The following DST variants were observed in gnomAD, a reference collection of about 807,000 sequenced individuals.
The protein encoded by DST is bullous pemphigoid antigen.
A neutral mutation model predicts 875.2 loss-of-function variants in DST; 253 were observed. That is an observed-to-expected ratio of 0.29 (90% CI 0.26 to 0.32). The LOEUF (loss-of-function observed/expected upper bound fraction) is 0.32. DST is among the 10% of genes least tolerant of loss of function. The pLI, the probability that DST is intolerant of heterozygous loss-of-function variation, is 1.00. For missense variants in DST, 8,287 were observed against 9,111.6 expected, an observed-to-expected ratio of 0.91 and a Z score of 3.68; for synonymous variants, 3,124 against 3,197.1, an observed-to-expected ratio of 0.98 and a Z score of 0.77.
At chr6:56,952,774 G>C (rs530741189) in intron 2 of DST, among the ~76,000 whole-genome samples, 26 of 152,178 alleles carry the variant, frequency 1.7e-4, no homozygotes, top group African/African-American at 6.3e-4. Context: ...GCTAGTTAAT[G>C]TAAAGCCAGG....
chr6:56,675,674 A>T (rs551266665), intron 9 of DST, among the ~76,000 whole-genome samples: 2 of 152,232 alleles, frequency 1.3e-5, no homozygotes, highest in East Asian at 3.9e-4. Context: ...CAACATGGTG[A>T]AACCCCATCT....
chr6:56,738,269 T>C (rs538822965), intron 4 of DST, among the ~76,000 whole-genome samples: 200 of 152,310 alleles, frequency 1.3e-3, no homozygotes, highest in African/African-American at 4.5e-3. Context: ...CAGAAAGCAT[T>C]CCCAGACAGT....
chr6:56,686,981 C>T (rs1193182896), intron 9 of DST, among the ~76,000 whole-genome samples: 5 of 152,140 alleles, frequency 3.3e-5, no homozygotes, highest in African/African-American at 1.2e-4. Flanking sequence ...CCTTCTGACT[C>T]AACATCTTGT....
At chr6:56,651,310 T>C (rs956678980) in intron 10 of DST, 66 bp from the exon 11 acceptor site, 8 of 948,678 alleles carry the variant, frequency 8.4e-6, no homozygotes, top group African/African-American at 1.7e-5. Context: ...TATAATTATA[T>C]AGGTTTCCAT....
intron 89 of DST, chr6:56,482,461 C>T (rs1391790924): frequency 1.9e-5 from 10 of 527,974 alleles, no homozygotes; most frequent in South Asian, 3.9e-5. Flanking sequence ...ACATTACTCA[C>T]GCAGCACTTG....
At chr6:56,587,148 A>T (rs2098170124) in intron 49 of DST, among the ~76,000 whole-genome samples, 1 of 152,164 alleles carries the variant, frequency 6.6e-6, no homozygotes, top group Non-Finnish European at 1.5e-5. Flanking sequence ...AAGGCAAAGA[A>T]GTTGAAAACT....
At chr6:56,679,832 T>G (rs1329213121) in intron 9 of DST, among the ~76,000 whole-genome samples, 1 of 152,140 alleles carries the variant, frequency 6.6e-6, no homozygotes, top group Non-Finnish European at 1.5e-5. Context: ...ACTTTTATGT[T>G]TTTATGTTTA....
intron 4 of DST, among the ~76,000 whole-genome samples, chr6:56,775,968 C>T (rs2099678307): frequency 6.6e-6 from 1 of 152,214 alleles, no homozygotes; most frequent in Admixed American, 6.5e-5. Context: ...ACTTACAGTG[C>T]TTTGCTTCCA....
intron 2 of DST, among the ~76,000 whole-genome samples, chr6:56,921,207 G>A (rs941374432): frequency 6.6e-6 from 1 of 151,968 alleles, no homozygotes; most frequent in African/African-American, 2.4e-5. Context: ...TCCTCCCAAA[G>A]AATATAGGTT....
At chr6:56,602,583 A>G (rs536980372) in intron 43 of DST, among the ~76,000 whole-genome samples, 84 of 152,096 alleles carry the variant, frequency 5.5e-4, no homozygotes, top group African/African-American at 1.9e-3. Flanking sequence ...TGATTTTTAT[A>G]TGGCTAATTC....
intron 2 of DST, among the ~76,000 whole-genome samples, chr6:56,933,962 T>A (rs963462745): frequency 2.0e-5 from 3 of 152,204 alleles, no homozygotes; most frequent in African/African-American, 4.8e-5. Context: ...AGCCAATTCC[T>A]ACATTGTCTC....
At chr6:56,487,922 T>G (rs1013520645) in intron 86 of DST, among the ~76,000 whole-genome samples, 2 of 152,232 alleles carry the variant, frequency 1.3e-5, no homozygotes, top group East Asian at 1.9e-4. Context: ...TTACCCTAGA[T>G]AGTAAAATGC....
Position 56,607,798 on chromosome 6 carries a change from C to T in DST, c.6830G>A (p.Ser2277Asn), listed in dbSNP as rs2098511500. The change falls in exon 40 of 104, where the codon AGT (serine) becomes AAT (asparagine). Residue 2277 changes from serine (S) to asparagine (N), a missense_variant. Ser to Asn is a conservative substitution (Grantham distance 46, BLOSUM62 1). Transcript: ENST00000680361. ...TCCACAGTGACATTTATTGAAACTA[C>T]TTGGTGTAGCTGTACATTCATCCTT... ...REKDECTATP[S>N]SFNKCHCGEP... 1.9e-6 allele frequency: 3 copies of T among 1,613,394 alleles called. No individual in the cohort carries two copies. The highest frequency in any genetic ancestry group is 2.2e-5 in the East Asian group (1 of 44,862).
chr6:56,533,221 T>A, intron 63 of DST, among the ~76,000 whole-genome samples: 1 of 152,330 alleles, frequency 6.6e-6, no homozygotes, highest in Non-Finnish European at 1.5e-5. Flanking sequence ...ATTAAACATT[T>A]CAAAGCACCT....
At chr6:56,590,705 A>C (rs1490377166) in intron 49 of DST, among the ~76,000 whole-genome samples, 3 of 152,188 alleles carry the variant, frequency 2.0e-5, no homozygotes, top group Non-Finnish European at 2.9e-5. Context: ...GACCTGGCCC[A>C]CATCATCTCC....
chr6:56,923,043 C>T (rs1805088946), intron 2 of DST, among the ~76,000 whole-genome samples: 1 of 151,890 alleles, frequency 6.6e-6, no homozygotes, highest in Non-Finnish European at 1.5e-5. Flanking sequence ...TTTTAAAGTC[C>T]TAAATAAAAT....
intron 4 of DST, among the ~76,000 whole-genome samples, chr6:56,838,392 C>T (rs934126453): frequency 6.6e-6 from 1 of 152,184 alleles, no homozygotes; most frequent in African/African-American, 2.4e-5. Context: ...TCCTGAGGCA[C>T]ATATGACCCA....
In DST at chr6:56,609,157, T is replaced by G. The variant is rs1269634518; in HGVS notation, c.5471A>C (p.His1824Pro). 1 of 1,613,894 alleles carries G rather than the reference T, an allele frequency of 6.2e-7. No individual in the cohort carries two copies. Among genetic ancestry groups the G allele is most frequent in the South Asian group, 1.1e-5 (1 of 91,092 alleles). The change falls in exon 40 of 104, where the codon CAT becomes CCT. Residue 1824 changes from histidine (H) to proline (P), a missense_variant. His to Pro is a moderately conservative substitution (Grantham distance 77). Around this residue, in one of 10 missense-constraint regions of DST, gnomAD observed 3,138 missense variants for 3,116.6 expected, o/e 1.01. Coordinates refer to ENST00000680361, the MANE Select transcript of DST (RefSeq NM_001374736.1). ...KCFDLKDAKS[H>P]GLIDEQILCQ... ...CAGAATTTGTTCATCAATAAGGCCA[T>G]GACTTTTGGCATCTTTAAGGTCAAA...
intron 9 of DST, among the ~76,000 whole-genome samples, chr6:56,677,377 C>T (rs1426159276): frequency 6.7e-6 from 1 of 149,976 alleles, no homozygotes; most frequent in Non-Finnish European, 1.5e-5. Flanking sequence ...AGTGCAGTGG[C>T]AAGATCATAG....
Sources: gnomAD v4.1 joint callset for allele counts (sites outside exome capture counted in the v4.1 genomes callset) on GRCh38, gnomAD v4.1.1 for gene constraint, gnomAD v4.1.1 regional missense constraint, MANE v1.5 for transcripts, NCBI Gene and HGNC (gene_info 2026-07-23, HGNC 2026-07-21) for gene names.